The following PDLIM7 variants were observed in gnomAD, a reference collection of about 807,000 sequenced individuals.
PDLIM7 encodes the protein PDZ and LIM domain protein 7.
Under a neutral mutation model 53.9 loss-of-function variants are expected in PDLIM7, and 37 were observed. The observed-to-expected ratio is 0.69, with a 90% CI of 0.53 to 0.90. The LOEUF (loss-of-function observed/expected upper bound fraction) is 0.90. PDLIM7 is among the 40% of genes least tolerant of loss of function. The pLI, the probability that PDLIM7 is intolerant of heterozygous loss-of-function variation, is 0.00. For synonymous variants in PDLIM7, 300 were observed against 261.3 expected (o/e 1.15, Z -1.43); for missense variants, 617 against 638.5 (o/e 0.97, Z 0.36).
At chr5:177,495,440 A>G (rs1015933973) in intron 2 of PDLIM7, among the ~76,000 whole-genome samples, 1 of 152,118 alleles carries the variant, frequency 6.6e-6, no homozygotes, top group African/African-American at 2.4e-5. Context: ...AGGCGGATAT[A>G]GGGGCAGGAA....
chr5:177,491,614 A>C lies in PDLIM7; in HGVS notation c.398+193T>G, dbSNP rs548229434. 44 of 640,570 alleles carry C rather than the reference A, an allele frequency of 6.9e-5. No homozygotes were observed. The South Asian group carries it at 8.5e-4, about 12-fold the overall frequency. The allele number at this position is 640,570 out of a possible 1,614,324, so 39.7% of individuals were successfully genotyped here. A position where few individuals can be genotyped will look rare whatever the true frequency, so the allele number is the denominator to read the frequency against. The stretch of plus-strand genomic sequence containing the variant: ...CGGCGTCATTCAGAGACCCCTCCCC[A>C]GGGCGGTGCCCTGCAAGGCGCCACA... On this transcript the variant is annotated intron_variant, in intron 5 of 12. Transcript: ENST00000355841.
At chr5:177,487,961 G>A in intron 10 of PDLIM7, 107 bp downstream of exon 10, 5 of 1,049,414 alleles carry the variant, frequency 4.8e-6, no homozygotes, top group Non-Finnish European at 6.8e-6. Flanking sequence ...CGCTGGTAAG[G>A]ACCCGGAGGG....
intron 7 of PDLIM7, 159 bp from the exon 8 acceptor site, chr5:177,489,991 T>C: frequency 6.5e-7 from 1 of 1,535,324 alleles, no homozygotes; most frequent in Non-Finnish European, 8.7e-7. Flanking sequence ...GAAGGGCAGC[T>C]TCTCCTAGCA....
chr5:177,491,336 G>A (rs973866304), intron 5 of PDLIM7, 190 bp from the exon 6 acceptor site: 2 of 1,536,950 alleles, frequency 1.3e-6, no homozygotes, highest in East Asian at 2.4e-5. Flanking sequence ...CAGCCAGGGT[G>A]GGGAGGGGCC....
intron 10 of PDLIM7, among the ~76,000 whole-genome samples, chr5:177,485,768 C>T (rs890846014): frequency 8.5e-5 from 13 of 152,064 alleles, no homozygotes; most frequent in Admixed American, 2.6e-4. Context: ...GAGGATCGCT[C>T]GAGGCCAGGA....
chr5:177,487,867 G>A (rs1758541516), intron 10 of PDLIM7: 1 of 465,258 alleles, frequency 2.1e-6, no homozygotes, highest in African/African-American at 2.0e-5. Context: ...GCAGCCTTGG[G>A]CGGTTTCTGA....
intron 9 of PDLIM7, among the ~76,000 whole-genome samples, chr5:177,488,629 T>C (rs749192769): frequency 1.2e-4 from 19 of 152,194 alleles, no homozygotes; most frequent in Non-Finnish European, 2.6e-4. Context: ...GGCTCACACC[T>C]GTAGTCCCAG....
At chr5:177,496,555 G>C in intron 1 of PDLIM7, 32 bp from the exon 2 acceptor site, 1 of 1,471,604 alleles carries the variant, frequency 6.8e-7, no homozygotes, top group Non-Finnish European at 9.2e-7. Context: ...TGAGTGGCCA[G>C]CATGGTGGGC....
In PDLIM7 at chr5:177,484,050, C is replaced by T; in HGVS notation, c.1171+20G>A. On this transcript the variant is annotated intron_variant, in intron 11 of 12. Transcript: ENST00000355841. ...TGCCCCATGCACCATCCCTCCTCAC[C>T]CTCACTGGCCAGTGGGTACCTCGCT... 2 of 1,613,770 alleles carry T rather than the reference C, an allele frequency of 1.2e-6. No individual in the cohort carries two copies. Among genetic ancestry groups the T allele is most frequent in the Non-Finnish European group, 8.5e-7 (1 of 1,179,840 alleles).
At chr5:177,490,729 G>C (rs1758717906) in intron 7 of PDLIM7, 141 bp downstream of exon 7, 1 of 727,042 alleles carries the variant, frequency 1.4e-6, no homozygotes, top group Non-Finnish European at 2.4e-6. Context: ...AAGGAAGGAA[G>C]GAAGGAAGGA....
Position 177,483,878 on chromosome 5 carries a change from A to G in PDLIM7, c.1276T>C (p.Phe426Leu). Reference protein sequence around the residue: ...ALGFSWHDTCFVCAICQINLE... With the variant: ...ALGFSWHDTCLVCAICQINLE... The stretch of plus-strand genomic sequence containing the variant: ...GGCGGGGCTCTCACCGCACAGACGA[A>G]GCAGGTGTCATGCCAGCTGAAGCCC... The change falls in exon 12 of 13, where the codon TTC (phenylalanine) becomes CTC (leucine). Residue 426 changes from phenylalanine to leucine, a missense_variant. Transcript: ENST00000355841. 1 of 1,613,576 alleles carries G rather than the reference A, an allele frequency of 6.2e-7. No homozygotes were observed.
At chr5:177,496,664 G>C in intron 1 of PDLIM7, 141 bp from the exon 2 acceptor site, 1 of 497,396 alleles carries the variant, frequency 2.0e-6, no homozygotes, top group South Asian at 3.1e-5. Flanking sequence ...ATAGGAGGCA[G>C]GTATTTTGTC....
chr5:177,484,337 T>G, intron 10 of PDLIM7, 147 bp from the exon 11 acceptor site: 1 of 929,736 alleles, frequency 1.1e-6, no homozygotes, highest in East Asian at 2.6e-5. Flanking sequence ...CACCTCCATC[T>G]CCAACTCCAA....
intron 9 of PDLIM7, among the ~76,000 whole-genome samples, chr5:177,488,767 G>A (rs370958551): frequency 2.0e-5 from 3 of 152,270 alleles, no homozygotes; most frequent in African/African-American, 7.2e-5. Context: ...GCGGGTGCCT[G>A]TAATCCCAGC....
Position 177,491,285 on chromosome 5 carries a change from C to T in PDLIM7, c.399-139G>A, listed in dbSNP as rs543841723. On this transcript the variant is annotated intron_variant, in intron 5 of 12. Transcript: ENST00000355841. ...GGGTGAGGCCAGGAGCCCTGCTGGGCGGGTAGGTGAGAGGACAGGAGGGCG... is the reference window on the plus strand; with the variant it reads ...GGGTGAGGCCAGGAGCCCTGCTGGGTGGGTAGGTGAGAGGACAGGAGGGCG... 586 of 1,434,650 alleles carry T rather than the reference C, an allele frequency of 4.1e-4. 1 individual carries two copies. Among genetic ancestry groups the T allele is most frequent in the Non-Finnish European group, 3.1e-4 (320 of 1,042,664 alleles). The allele number at this position is 1,434,650 out of a possible 1,614,324, so 88.9% of individuals were successfully genotyped here.
Position 177,496,398 on chromosome 5 carries a change from TCCCCAAA to T in PDLIM7, c.96+12_96+18del. ...CCGAAAGACCGCTGGGGGAGCCCCC[TCCCCAAA>T]CCTAGGCTCACCCGGGAAATGGAGA... On this transcript the variant is annotated intron_variant, in intron 2 of 12. Coordinates refer to ENST00000355841, the MANE Select transcript of PDLIM7 (RefSeq NM_005451.5). The T allele has an allele frequency of 6.5e-7, 1 of 1,533,266 alleles. No homozygotes were observed. Among genetic ancestry groups the T allele is most frequent in the Non-Finnish European group, 8.8e-7 (1 of 1,140,638 alleles). 95.0% of individuals were successfully genotyped at this position (1,533,266 alleles called of 1,614,324 possible). A position where few individuals can be genotyped will look rare whatever the true frequency, so the allele number is the denominator to read the frequency against.
intron 10 of PDLIM7, among the ~76,000 whole-genome samples, chr5:177,485,276 G>A (rs335461): frequency 0.91 from 138,772 of 152,254 alleles, 64,072 homozygotes; most frequent in East Asian, 1. Flanking sequence ...ACTGGCCTCC[G>A]CAGGAGGTGG....
At chr5:177,489,665 C>T (rs1176666404) in intron 8 of PDLIM7, 38 bp from the exon 9 acceptor site, 1 of 1,522,894 alleles carries the variant, frequency 6.6e-7, no homozygotes, top group South Asian at 1.2e-5. Flanking sequence ...TGCCCAGGGA[C>T]CCCAAAGGAC....
At chr5:177,495,931 C>T (rs1187764827) in intron 2 of PDLIM7, among the ~76,000 whole-genome samples, 2 of 151,996 alleles carry the variant, frequency 1.3e-5, no homozygotes, top group East Asian at 3.9e-4. Context: ...AATTCCAATC[C>T]CTGCTTCACC....
Sources: gnomAD v4.1 joint callset for allele counts (sites outside exome capture counted in the v4.1 genomes callset) on GRCh38, gnomAD v4.1.1 for gene constraint, MANE v1.5 for transcripts, NCBI Gene and HGNC (gene_info 2026-07-23, HGNC 2026-07-21) for gene names.